Variants in NMNAT3 observed in about 807,000 individuals in gnomAD.
NMNAT3 encodes nicotinamide nucleotide adenylyltransferase 3, also known as nicotinamide/nicotinic acid mononucleotide adenylyltransferase 3.
NMNAT3 carries 21 observed loss-of-function variants against 24.8 expected under a neutral mutation model. That is an observed-to-expected ratio of 0.85 (90% confidence interval 0.60 to 1.22). The LOEUF (loss-of-function observed/expected upper bound fraction) is 1.22, where lower values mean the gene tolerates loss of function less well. NMNAT3 is among the 50% of genes most tolerant of loss of function. The pLI is 0.00. For synonymous variants in NMNAT3, 136 were observed against 155.2 expected (o/e 0.88, Z 0.92); for missense variants, 387 against 436.6 (o/e 0.89, Z 1.01).
chr3:139,561,718 C>T (rs1288918998), intron 6 of NMNAT3, among the ~76,000 whole-genome samples: 1 of 152,150 alleles, frequency 6.6e-6, no homozygotes, highest in Non-Finnish European at 1.5e-5. Flanking sequence ...GGTGGCTGTG[C>T]TGTACCCAGT....
intron 1 of NMNAT3, among the ~76,000 whole-genome samples, chr3:139,661,497 A>G (rs1362813319): frequency 6.6e-6 from 1 of 152,178 alleles, no homozygotes; most frequent in Non-Finnish European, 1.5e-5. Flanking sequence ...AGCAAGACCT[A>G]TCTCTACAGG....
At chr3:139,677,356 T>C (rs962702436) in intron 1 of NMNAT3, among the ~76,000 whole-genome samples, 4 of 152,240 alleles carry the variant, frequency 2.6e-5, no homozygotes, top group African/African-American at 9.6e-5. Flanking sequence ...CAGCGGACAC[T>C]GAGTGGAACA....
At chr3:139,674,252 T>C (rs2057852790) in intron 1 of NMNAT3, among the ~76,000 whole-genome samples, 1 of 152,238 alleles carries the variant, frequency 6.6e-6, no homozygotes, top group South Asian at 2.1e-4. Context: ...TAGCAATAGA[T>C]TGCCTTTCTA....
At chr3:139,672,476 G>C (rs564431139) in intron 1 of NMNAT3, 6 of 152,330 alleles carry the variant, frequency 3.9e-5, no homozygotes, top group Non-Finnish European at 8.8e-5. Context: ...CAGCCTTTAT[G>C]AAAGGGAGAT....
Position 139,579,519 on chromosome 3 carries a change from G to A in NMNAT3, c.392-464C>T, listed in dbSNP as rs138472343. Among the ~76,000 whole-genome samples, 270 of 152,316 alleles carry A rather than the reference G, an allele frequency of 1.8e-3. 1 individual carries two copies. The highest frequency in any genetic ancestry group is 4.2e-3 in the African/African-American group (176 of 41,574). On this transcript the variant is annotated intron_variant, in intron 4 of 6. Transcript: ENST00000643695. ...AAGGACAAAGGGATGGGATTTTAGCGTGAACCAGGGTTGGTGGGTATTGGC... is the reference window on the plus strand; with the variant it reads ...AAGGACAAAGGGATGGGATTTTAGCATGAACCAGGGTTGGTGGGTATTGGC...
chr3:139,676,015 G>GCTACCCTT (rs2057918062), intron 1 of NMNAT3, among the ~76,000 whole-genome samples: 1 of 152,226 alleles, frequency 6.6e-6, no homozygotes, highest in South Asian at 2.1e-4. Flanking sequence ...CAAGCCTGGA[G>GCTACCCTT]CTTCCCTTCT....
At chr3:139,563,647 A>G (rs946724253) in intron 6 of NMNAT3, among the ~76,000 whole-genome samples, 3 of 152,166 alleles carry the variant, frequency 2.0e-5, no homozygotes, top group Non-Finnish European at 2.9e-5. Flanking sequence ...CTGTTATTTC[A>G]TGACGACAAT....
intron 3 of NMNAT3, among the ~76,000 whole-genome samples, chr3:139,612,660 C>T (rs1363303008): frequency 6.6e-6 from 1 of 152,186 alleles, no homozygotes; most frequent in African/African-American, 2.4e-5. Context: ...GAGATTCTAG[C>T]AGTTGCTTTT....
chr3:139,577,378 C>G (rs1036679947), intron 5 of NMNAT3, among the ~76,000 whole-genome samples: 4 of 152,058 alleles, frequency 2.6e-5, no homozygotes, highest in Non-Finnish European at 5.9e-5. Flanking sequence ...ACACGGAATC[C>G]TAGTGAAGTG....
chr3:139,655,651 T>C (rs901432317), intron 1 of NMNAT3, among the ~76,000 whole-genome samples: 13 of 152,366 alleles, frequency 8.5e-5, no homozygotes, highest in Non-Finnish European at 1.5e-4. Context: ...TCTAAATTAC[T>C]AAAGTGCCCG....
At chr3:139,582,665 G>GA (rs1372455049) in intron 4 of NMNAT3, among the ~76,000 whole-genome samples, 13 of 85,394 alleles carry the variant, frequency 1.5e-4, no homozygotes, top group Non-Finnish European at 3.0e-4. Context: ...AAAAAAAAAA[G>GA]AAAAGAAAAT....
At chr3:139,657,266 C>T (rs916867102) in intron 1 of NMNAT3, among the ~76,000 whole-genome samples, 1 of 152,236 alleles carries the variant, frequency 6.6e-6, no homozygotes, top group Non-Finnish European at 1.5e-5. Context: ...TCAAGATGGG[C>T]TCATTCATTT....
intron 1 of NMNAT3, among the ~76,000 whole-genome samples, chr3:139,646,434 T>G (rs2056873411): frequency 6.6e-6 from 1 of 152,206 alleles, no homozygotes; most frequent in Non-Finnish European, 1.5e-5. Context: ...TCCCCCTGTT[T>G]CAGGTGGGGC....
chr3:139,579,855 T>C (rs1939908489), intron 4 of NMNAT3, among the ~76,000 whole-genome samples: 1 of 152,224 alleles, frequency 6.6e-6, no homozygotes, highest in Admixed American at 6.5e-5. Context: ...TATTAAATGA[T>C]TTTTCTGCAA....
intron 1 of NMNAT3, among the ~76,000 whole-genome samples, chr3:139,677,111 G>C (rs562896177): frequency 6.6e-6 from 1 of 152,098 alleles, no homozygotes; most frequent in Non-Finnish European, 1.5e-5. Flanking sequence ...GTTGTTCCCC[G>C]CCCGGGAATT....
intron 2 of NMNAT3, chr3:139,637,635 A>G (rs2056550307): frequency 6.6e-6 from 1 of 152,088 alleles, no homozygotes; most frequent in African/African-American, 2.4e-5. Flanking sequence ...ACTCCATATC[A>G]TCGCCAAGCT....
intron 6 of NMNAT3, among the ~76,000 whole-genome samples, chr3:139,573,377 A>G (rs1938735662): frequency 6.6e-6 from 1 of 152,176 alleles, no homozygotes; most frequent in Admixed American, 6.5e-5. Flanking sequence ...GGGGCAAAAA[A>G]TCCCAAATTA....
intron 3 of NMNAT3, among the ~76,000 whole-genome samples, chr3:139,592,290 G>A (rs149931422): frequency 2.1e-4 from 32 of 152,264 alleles, no homozygotes; most frequent in African/African-American, 7.0e-4. Flanking sequence ...AAAGAAATGA[G>A]CAAAGTGTCC....
chr3:139,648,698 C>T (rs979720903), intron 1 of NMNAT3, among the ~76,000 whole-genome samples: 1 of 152,152 alleles, frequency 6.6e-6, no homozygotes, highest in African/African-American at 2.4e-5. Context: ...TCAGACTGTC[C>T]TCTGAAGGTT....
Sources: allele counts gnomAD v4.1 joint callset (sites outside exome capture counted in the v4.1 genomes callset), GRCh38; gene constraint gnomAD v4.1.1; transcripts MANE v1.5; gene names NCBI Gene and HGNC (gene_info 2026-07-23, HGNC 2026-07-21).